The following KRT75 variants were observed in gnomAD, a reference collection of about 807,000 sequenced individuals.
KRT75 encodes keratin, type II cytoskeletal 75.
A neutral mutation model predicts 48.8 loss-of-function variants in KRT75; 35 were observed. The ratio of observed to expected loss-of-function variants is 0.72; its 90% CI spans 0.55 to 0.95. KRT75 has a LOEUF of 0.95. Among genes scored for constraint, KRT75 ranks in the 40% least tolerant of loss-of-function variants. KRT75 has a pLI of 0.00. For synonymous variants in KRT75, 301 were observed against 282.3 expected (o/e 1.07, Z -0.66); for missense variants, 776 against 709.9 (o/e 1.09, Z -1.06).
At chr12:52,428,822 G>C in intron 5 of KRT75, 79 bp from the exon 6 acceptor site, 1 of 1,570,998 alleles carries the variant, frequency 6.4e-7, no homozygotes, top group East Asian at 2.2e-5. Context: ...ACCCACCCTG[G>C]GTGCCACAAG....
intron 4 of KRT75, 93 bp from the exon 5 acceptor site, chr12:52,430,798 C>A: frequency 7.4e-7 from 1 of 1,359,982 alleles, no homozygotes; most frequent in Non-Finnish European, 1.1e-6. Flanking sequence ...GAATCCTTTC[C>A]TTGGTATTCC....
chr12:52,426,690 T>C (rs1940079579), intron 8 of KRT75, 127 bp downstream of exon 8: 6 of 992,456 alleles, frequency 6.0e-6, no homozygotes, highest in South Asian at 5.1e-5. Context: ...TCAAACCTTC[T>C]CCAAATGAAC....
Position 52,428,472 on chromosome 12 carries a change from G to A in KRT75, c.1166C>T (p.Ser389Phe). Residue 389 changes from serine (S) to phenylalanine (F), a missense_variant, in exon 7 of 9, where the codon TCC becomes TTC. Ser to Phe is a radical substitution (Grantham distance 155). Transcript: ENST00000252245. ...ATCAGCAATGGCCGTTTGCAAGCTG[G>A]AACACTGTAAGGACAGGAGGAAGCC... is the stretch of plus-strand genomic sequence containing the variant. ...AEIDSVKKQC[S>F]SLQTAIADAE... 1 of 1,613,484 alleles carries A rather than the reference G, an allele frequency of 6.2e-7. No homozygotes were observed. The highest frequency in any genetic ancestry group is 2.2e-5 in the East Asian group (1 of 44,842).
In KRT75 at chr12:52,433,872, C is replaced by T. The variant is rs769160709; in HGVS notation, c.433G>A (p.Val145Met). The T allele has an allele frequency of 1.2e-6, 2 of 1,614,150 alleles. No individual in the cohort carries two copies. The highest frequency in any genetic ancestry group is 1.1e-5 in the South Asian group (1 of 91,074). ...HLQIDPTIQR[V>M]RAEEREQIKT... ...ATCTGCTCGCGCTCCTCGGCCCGCA[C>T]CCGCTGGATGGTGGGGTCGATTTGC... Residue 145 changes from valine to methionine, a missense_variant, in exon 1 of 9, where the codon GTG becomes ATG. Val to Met is a conservative substitution (Grantham distance 21, BLOSUM62 1). Coordinates refer to ENST00000252245, the MANE Select transcript of KRT75 (RefSeq NM_004693.3).
chr12:52,434,341 TG>T lies in KRT75; in HGVS notation c.-38del. 1 of 1,570,478 alleles carries T rather than the reference TG, an allele frequency of 6.4e-7. No homozygotes were observed. Among genetic ancestry groups the T allele is most frequent in the South Asian group, 1.2e-5 (1 of 85,090 alleles). Reference sequence around the variant, plus strand: ...AAGGCCGGCGAGAAGGCACCTGAGGTGGGCTGGTACAGGCAGTGGAGAAGAC... The same window carrying T: ...AAGGCCGGCGAGAAGGCACCTGAGGTGGCTGGTACAGGCAGTGGAGAAGAC... On this transcript the variant is annotated 5_prime_UTR_variant, in exon 1 of 9. Coordinates refer to ENST00000252245, the MANE Select transcript of KRT75 (RefSeq NM_004693.3).
chr12:52,433,815 T>C lies in KRT75; in HGVS notation c.490A>G (p.Ile164Val). ...KTLNNKFASF[I>V]DKVRFLEQQN... ...ATGAAGCCCCTGCTTACCTTGTCGATGAAGGAGGCGAACTTATTGTTGAGG... is the reference window on the plus strand; with the variant it reads ...ATGAAGCCCCTGCTTACCTTGTCGACGAAGGAGGCGAACTTATTGTTGAGG... Residue 164 changes from isoleucine (I) to valine (V), a missense_variant, in exon 1 of 9, where the codon ATC becomes GTC. Physicochemically the swap from Ile to Val is conservative, Grantham distance 29. Transcript: ENST00000252245. 6.2e-7 allele frequency: 1 copy of C among 1,614,098 alleles called. No individual in the cohort carries two copies. The highest frequency in any genetic ancestry group is 1.1e-5 in the South Asian group (1 of 91,082).
rs1177514627 is a variant in KRT75 at position 52,424,501 on chromosome 12, G to A, written c.*16C>T. ...AACAGGCCTCAAGGCAGGGTAGAGG[G>A]AGCCATGGGGCTCTCTTAGTGCGTG... On this transcript the variant is annotated 3_prime_UTR_variant, in exon 9 of 9. Transcript: ENST00000252245. 4.4e-6 allele frequency: 7 copies of A among 1,607,964 alleles called. No individual in the cohort carries two copies. Among genetic ancestry groups the A allele is most frequent in the Non-Finnish European group, 6.0e-6 (7 of 1,174,352 alleles).
chr12:52,428,783 C>A (rs763857295), intron 5 of KRT75, 40 bp from the exon 6 acceptor site: 1 of 1,612,934 alleles, frequency 6.2e-7, no homozygotes, highest in South Asian at 1.1e-5. Context: ...GAGTCAAATG[C>A]CTGGCCCAGG....
Position 52,428,712 on chromosome 12 carries a change from T to G in KRT75, c.1067A>C (p.His356Pro). Residue 356 changes from histidine to proline, a missense_variant, in exon 6 of 9, where the codon CAT becomes CCT. His to Pro is a moderately conservative substitution (Grantham distance 77, BLOSUM62 -2). Coordinates refer to ENST00000252245, the MANE Select transcript of KRT75 (RefSeq NM_004693.3). ...TTTGGTGTTTCGAAGGTCATCCCCA[T>G]GTCTGCCTGCGGTGACCTGCAGCTC... ...YEELQVTAGRHGDDLRNTKQE... is the reference protein window; with the variant it reads ...YEELQVTAGRPGDDLRNTKQE... The G allele has an allele frequency of 6.2e-7, 1 of 1,614,184 alleles. No homozygotes were observed. Among genetic ancestry groups the G allele is most frequent in the Non-Finnish European group, 8.5e-7 (1 of 1,180,036 alleles).
chr12:52,424,745 G>C lies in KRT75; in HGVS notation c.1428C>G (p.Thr476=), dbSNP rs1045719442. 3.1e-6 allele frequency: 5 copies of C among 1,612,956 alleles called. No homozygotes were observed. Among genetic ancestry groups the C allele is most frequent in the Non-Finnish European group, 4.2e-6 (5 of 1,179,134 alleles). The change falls in exon 9 of 9, where the codon ACC becomes ACG. Residue 476 remains threonine (T), a synonymous_variant. Transcript: ENST00000252245. Reference sequence around the variant, plus strand: ...TTCCATAGCCACTGGAAAGAGTAGAGGTGACCACAGCTGCCGGGAAGAGAG... The same window carrying C: ...TTCCATAGCCACTGGAAAGAGTAGACGTGACCACAGCTGCCGGGAAGAGAG... ...GVSPVNISVV[T]STLSSGYGSG...
At chr12:52,429,521 T>C (rs1418513914) in intron 5 of KRT75, among the ~76,000 whole-genome samples, 1 of 151,840 alleles carries the variant, frequency 6.6e-6, no homozygotes, top group South Asian at 2.1e-4. Flanking sequence ...CCTGCCAGAG[T>C]CAAGATCTGT....
chr12:52,424,285 T>G lies in KRT75; in HGVS notation c.*232A>C. On this transcript the variant is annotated 3_prime_UTR_variant, in exon 9 of 9. Transcript: ENST00000252245. ...CGCAAGATAGGCTGAATGAGAGCCT[T>G]AGGAGAGAGCAGGCTTTGGTTTCAC... 1.6e-6 allele frequency: 1 copy of G among 625,974 alleles called. No homozygotes were observed. The highest frequency in any genetic ancestry group is 2.4e-5 in the Admixed American group (1 of 40,834). 38.8% of individuals were successfully genotyped at this position (625,974 alleles called of 1,614,324 possible). A position where few individuals can be genotyped will look rare whatever the true frequency, so the allele number is the denominator to read the frequency against.
At position 52,424,644 on chromosome 12, in the gene KRT75, T is replaced by C; in HGVS notation, c.1529A>G (p.His510Arg). 6.2e-7 allele frequency: 1 copy of C among 1,614,120 alleles called. No individual in the cohort carries two copies. The highest frequency in any genetic ancestry group is 1.3e-5 in the African/African-American group (1 of 75,050). The change falls in exon 9 of 9, where the codon CAT (histidine) becomes CGT (arginine). Residue 510 changes from histidine (H) to arginine (R), a missense_variant. Physicochemically the swap from His to Arg is conservative, Grantham distance 29. Coordinates refer to ENST00000252245, the MANE Select transcript of KRT75 (RefSeq NM_004693.3). ...SGYSFTTSGGHSLGAGLGGSG... is the reference protein window; with the variant it reads ...SGYSFTTSGGRSLGAGLGGSG... ...ACCTCCCAGGCCTGCACCCAGGCTA[T>C]GCCCACCACTGGTGGTGAAGGAGTA...
chr12:52,430,428 T>C (rs1940128455), intron 5 of KRT75, 113 bp downstream of exon 5: 1 of 1,133,860 alleles, frequency 8.8e-7, no homozygotes, highest in Non-Finnish European at 1.3e-6. Flanking sequence ...ACATGCCTGC[T>C]AAGTTGAAAT....
chr12:52,431,851 A>C (rs909820953), intron 3 of KRT75, among the ~76,000 whole-genome samples, 155 bp downstream of exon 3: 1 of 152,198 alleles, frequency 6.6e-6, no homozygotes, highest in Non-Finnish European at 1.5e-5. Context: ...TGGGGCCATC[A>C]ACGTAGAGGG....
At chr12:52,425,225 G>A (rs1295299470) in intron 8 of KRT75, among the ~76,000 whole-genome samples, 1 of 152,140 alleles carries the variant, frequency 6.6e-6, no homozygotes, top group Non-Finnish European at 1.5e-5. Context: ...TTAACCTGTT[G>A]GCCAGTGAAC....
intron 2 of KRT75, 86 bp from the exon 3 acceptor site, chr12:52,432,152 CA>C: frequency 7.5e-7 from 1 of 1,331,762 alleles, no homozygotes; most frequent in Non-Finnish European, 1.1e-6. Flanking sequence ...TAAGAGCCCT[CA>C]AATCATTTCC....
intron 5 of KRT75, 84 bp downstream of exon 5, chr12:52,430,457 G>T: frequency 2.9e-6 from 4 of 1,393,420 alleles, no homozygotes; most frequent in Admixed American, 1.7e-5. Flanking sequence ...GTGCTCACAC[G>T]TTTCCTGAGG....
rs146836152 is a variant in KRT75, at chr12:52,434,212, G to C, written c.93C>G (p.Arg31=). 140 of 1,600,346 alleles carry C rather than the reference G, an allele frequency of 8.7e-5. No homozygotes were observed. In the African/African-American group the frequency reaches 1.4e-3, roughly 16 times the overall value. Residue 31 remains arginine (R), a synonymous_variant, in exon 1 of 9, where the codon CGC becomes CGG. Transcript: ENST00000252245. ...AGCGGGCCACAGAGACAGAGCTGAA[G>C]CGGGAGCGGCCAGCTGCCGGGGTGA... is the stretch of plus-strand genomic sequence containing the variant. ...SAITPAAGRS[R]FSSVSVARSA... is the part of the protein sequence containing the mutation.
Sources: allele counts gnomAD v4.1 joint callset (sites outside exome capture counted in the v4.1 genomes callset), GRCh38; gene constraint gnomAD v4.1.1; transcripts MANE v1.5; gene names NCBI Gene and HGNC (gene_info 2026-07-23, HGNC 2026-07-21).